The following GALNT14 variants were observed in gnomAD, a reference collection of about 807,000 sequenced individuals.
The protein encoded by GALNT14 is polypeptide N-acetylgalactosaminyltransferase 14, also known as UDP-GalNAc:polypeptide N-acetylgalactosaminyltransferase 14.
GALNT14 carries 60 observed loss-of-function variants against 77.5 expected under a neutral mutation model. The ratio of observed to expected loss-of-function variants is 0.77; its 90% CI spans 0.63 to 0.96. The LOEUF (loss-of-function observed/expected upper bound fraction) is 0.96. Among genes scored for constraint, GALNT14 ranks in the 40% least tolerant of loss-of-function variants. GALNT14 has a pLI of 0.00. For missense variants in GALNT14, 710 were observed against 731.0 expected (o/e 0.97, Z 0.33); for synonymous variants, 280 against 281.7 (o/e 0.99, Z 0.06).
chr2:31,138,137 C>T lies in GALNT14; in HGVS notation c.-51G>A, dbSNP rs114270862. 2,662 of 1,612,322 alleles carry T rather than the reference C, an allele frequency of 1.7e-3. 32 individuals carry two copies. In the African/African-American group the frequency reaches 0.031, roughly 19 times the overall value. The stretch of plus-strand genomic sequence containing the variant: ...CGGCGCTACGTCCCGGGGGCACCCC[C>T]CGGCGGTCAGGGTTGGCGGGGCAGG... On this transcript the variant is annotated 5_prime_UTR_variant, in exon 1 of 15. Transcript: ENST00000349752.
chr2:30,911,407 G>A (rs1317241987), intron 14 of GALNT14, among the ~76,000 whole-genome samples: 1 of 152,156 alleles, frequency 6.6e-6, no homozygotes, highest in Non-Finnish European at 1.5e-5. Context: ...GCAGAGAAGT[G>A]GGGAAGAGCT....
chr2:31,004,950 A>C lies in GALNT14; in HGVS notation c.130-11943T>G, dbSNP rs535597751. On this transcript the variant is annotated intron_variant, in intron 1 of 14. Transcript: ENST00000349752. ...ATGAGCAGACCTGGAGTCACTGAGAAATGTGAGCGAGAGTGGATGGCTTGT... is the reference window on the plus strand; with the variant it reads ...ATGAGCAGACCTGGAGTCACTGAGACATGTGAGCGAGAGTGGATGGCTTGT... 2.2e-4 allele frequency among the ~76,000 whole-genome samples: 33 copies of C among 152,296 alleles called. No individual in the cohort carries two copies. The Middle Eastern group carries it at 0.014, about 63-fold the overall frequency.
chr2:30,989,385 T>C (rs1035096832), intron 2 of GALNT14, among the ~76,000 whole-genome samples: 1 of 151,722 alleles, frequency 6.6e-6, no homozygotes, highest in Non-Finnish European at 1.5e-5. Flanking sequence ...ACTTGGGGTA[T>C]AGATGTGTGC....
intron 1 of GALNT14, among the ~76,000 whole-genome samples, chr2:31,031,707 T>C (rs1672425216): frequency 6.6e-6 from 1 of 152,180 alleles, no homozygotes; most frequent in Admixed American, 6.6e-5. Context: ...AGCCTTTAAG[T>C]GCTCTGCCTA....
intron 1 of GALNT14, chr2:31,125,169 C>CTACA: frequency 6.5e-7 from 1 of 1,550,304 alleles, no homozygotes; most frequent in Non-Finnish European, 8.7e-7. Flanking sequence ...GGAAGATGCC[C>CTACA]TCTTTGGTAG....
At chr2:30,913,505 T>C (rs1030043100) in intron 13 of GALNT14, among the ~76,000 whole-genome samples, 7 of 152,190 alleles carry the variant, frequency 4.6e-5, no homozygotes, top group African/African-American at 7.2e-5. Flanking sequence ...TCCTGGTCCC[T>C]GGTCCTCTCC....
the GALNT14 span, among the ~76,000 whole-genome samples, chr2:30,902,405 C>T: frequency 6.6e-6 from 1 of 152,170 alleles, no homozygotes; most frequent in African/African-American, 2.4e-5. Context: ...CACAGCAGCT[C>T]ACATGAGAAC....
intron 1 of GALNT14, among the ~76,000 whole-genome samples, chr2:31,048,071 G>A (rs76866558): frequency 0.026 from 3,916 of 152,314 alleles, 83 homozygotes; most frequent in African/African-American, 0.048. Flanking sequence ...CAGGTGAGAC[G>A]CTTCCAAATG....
intron 13 of GALNT14, among the ~76,000 whole-genome samples, chr2:30,913,936 C>A (rs181554282): frequency 6.6e-4 from 101 of 152,282 alleles, no homozygotes; most frequent in African/African-American, 1.9e-3. Context: ...TTCCTTGGGA[C>A]ATATCAAGAA....
chr2:31,129,959 G>A (rs936804688), intron 1 of GALNT14, among the ~76,000 whole-genome samples: 1 of 152,160 alleles, frequency 6.6e-6, no homozygotes, highest in Non-Finnish European at 1.5e-5. Context: ...GGTTGCAAGA[G>A]CAGGATCATT....
intron 1 of GALNT14, among the ~76,000 whole-genome samples, chr2:31,122,680 A>G (rs1317336339): frequency 6.6e-6 from 1 of 152,214 alleles, no homozygotes; most frequent in African/African-American, 2.4e-5. Flanking sequence ...GGTGTTTTCT[A>G]TAAATTTTTT....
intron 1 of GALNT14, among the ~76,000 whole-genome samples, chr2:31,047,026 C>T (rs981975551): frequency 1.3e-5 from 2 of 152,146 alleles, no homozygotes; most frequent in African/African-American, 2.4e-5. Context: ...AGTGGCTTGG[C>T]TGGAAGTAGA....
At position 31,128,959 on chromosome 2, in the gene GALNT14, A is replaced by G. The variant is rs1484025677; in HGVS notation, c.129+8999T>C. 2.3e-5 allele frequency among the ~76,000 whole-genome samples: 3 copies of G among 131,432 alleles called. No homozygotes were observed. In the South Asian group the frequency reaches 6.9e-4, roughly 30 times the overall value. 86.2% of individuals were successfully genotyped at this position (131,432 alleles called of 152,430 possible). A position where few individuals can be genotyped will look rare whatever the true frequency, so the allele number is the denominator to read the frequency against. On this transcript the variant is annotated intron_variant, in intron 1 of 14. Coordinates refer to ENST00000349752, the MANE Select transcript of GALNT14 (RefSeq NM_024572.4). ...CCAGTTCCCTTCTGTAAGTTAAAAA[A>G]TAAAATTGAAAAAAAAAAAAAACAC...
chr2:30,925,727 G>A (rs1665330602), intron 11 of GALNT14, among the ~76,000 whole-genome samples: 1 of 152,226 alleles, frequency 6.6e-6, no homozygotes, highest in Non-Finnish European at 1.5e-5. Flanking sequence ...GTCCCGTGAG[G>A]CACTGCCAAG....
At chr2:31,093,663 TAATG>T (rs985667427) in intron 1 of GALNT14, among the ~76,000 whole-genome samples, 36 of 152,352 alleles carry the variant, frequency 2.4e-4, no homozygotes, top group African/African-American at 7.9e-4. Context: ...TTGTGAAAAA[TAATG>T]AATAGCACCG....
At chr2:31,051,022 A>T (rs1673829392) in intron 1 of GALNT14, among the ~76,000 whole-genome samples, 1 of 152,126 alleles carries the variant, frequency 6.6e-6, no homozygotes, top group Non-Finnish European at 1.5e-5. Context: ...GCCACCTCGG[A>T]GAAACCACCT....
intron 6 of GALNT14, among the ~76,000 whole-genome samples, chr2:30,946,607 A>G (rs1163000986): frequency 6.6e-6 from 1 of 152,190 alleles, no homozygotes; most frequent in Admixed American, 6.5e-5. Flanking sequence ...TGGAACCGTA[A>G]GCCAATGAAA....
chr2:30,965,950 C>G (rs1232725963), intron 3 of GALNT14, among the ~76,000 whole-genome samples: 1 of 152,158 alleles, frequency 6.6e-6, no homozygotes, highest in African/African-American at 2.4e-5. Flanking sequence ...GCTGCTTCTT[C>G]TACTTATTCT....
At chr2:30,970,044 G>GTT (rs551190394) in intron 2 of GALNT14, among the ~76,000 whole-genome samples, 12 of 152,296 alleles carry the variant, frequency 7.9e-5, no homozygotes, top group African/African-American at 2.9e-4. Context: ...CTATTACTAT[G>GTT]TTAGGTGATT....
Sources: allele counts gnomAD v4.1 joint callset (sites outside exome capture counted in the v4.1 genomes callset), GRCh38; gene constraint gnomAD v4.1.1; transcripts MANE v1.5; gene names NCBI Gene and HGNC (gene_info 2026-07-23, HGNC 2026-07-21).